SMYD3: variants seen among roughly 807,000 people sequenced by gnomAD.
SMYD3 encodes the protein histone-lysine N-methyltransferase SMYD3.
SMYD3 carries 36 observed loss-of-function variants against 57.7 expected under a neutral mutation model. That is an observed-to-expected ratio of 0.62 (90% CI 0.48 to 0.82). The LOEUF is 0.82. Among genes scored for constraint, SMYD3 ranks in the 40% least tolerant of loss-of-function variants. SMYD3 has a pLI of 0.00. For synonymous variants in SMYD3, 211 were observed against 195.0 expected (o/e 1.08, Z -0.68); for missense variants, 515 against 538.8 (o/e 0.96, Z 0.44).
At chr1:246,019,246 G>C (rs1572898855) in intron 5 of SMYD3, among the ~76,000 whole-genome samples, 1 of 152,254 alleles carries the variant, frequency 6.6e-6, no homozygotes, top group Admixed American at 6.5e-5. Flanking sequence ...TTAGCATCTA[G>C]TGGCAAAGGC....
chr1:245,751,969 T>G (rs2153400), intron 11 of SMYD3, among the ~76,000 whole-genome samples: 10,626 of 152,270 alleles, frequency 0.07, 1,231 homozygotes, highest in African/African-American at 0.24. Flanking sequence ...AAATGTTTGA[T>G]GGCATTCATG....
chr1:245,939,172 T>TA (rs71652710), intron 5 of SMYD3, among the ~76,000 whole-genome samples: 39 of 148,314 alleles, frequency 2.6e-4, no homozygotes, highest in Middle Eastern at 3.6e-3. Flanking sequence ...TAAAAAAATT[T>TA]AAAAAAAAAA....
At chr1:246,416,538 T>C (rs754059480) in intron 1 of SMYD3, among the ~76,000 whole-genome samples, 11 of 128,896 alleles carry the variant, frequency 8.5e-5, no homozygotes, top group Non-Finnish European at 1.8e-4. Context: ...ATTAGAACAG[T>C]GTCCACTGGG....
intron 5 of SMYD3, among the ~76,000 whole-genome samples, chr1:245,959,483 A>G (rs1401993448): frequency 1.3e-5 from 2 of 152,210 alleles, no homozygotes; most frequent in East Asian, 1.9e-4. Context: ...AGACAGTCCC[A>G]AAAGTCTTGG....
rs35482116 is a variant in SMYD3, at chr1:246,463,661, CAAAA to C, written c.164+43389_164+43392del. On this transcript the variant is annotated intron_variant, in intron 1 of 11. Coordinates refer to ENST00000490107, the MANE Select transcript of SMYD3 (RefSeq NM_001167740.2). ...TGAAACCCCATCTCTACTAAAAATA[CAAAA>C]AAAAAAAAAAAAAAAAAAACATTAG... Among the ~76,000 whole-genome samples, 319 of 73,126 alleles carry C rather than the reference CAAAA, an allele frequency of 4.4e-3. 3 individuals carry two copies. The highest frequency in any genetic ancestry group is 0.018 in the African/African-American group (312 of 17,618). The allele number at this position is 73,126 out of a possible 152,430, so 48.0% of individuals were successfully genotyped here.
At chr1:246,317,238 G>A (rs896823869) in intron 5 of SMYD3, among the ~76,000 whole-genome samples, 43 of 152,200 alleles carry the variant, frequency 2.8e-4, no homozygotes, top group African/African-American at 9.9e-4. Context: ...TGTGTGTACT[G>A]TGCTCAGAAA....
At chr1:245,802,820 A>G (rs138643640) in intron 10 of SMYD3, among the ~76,000 whole-genome samples, 30 of 152,370 alleles carry the variant, frequency 2.0e-4, no homozygotes, top group Non-Finnish European at 3.7e-4. Flanking sequence ...CCAGACTGGA[A>G]ACCTTGGGCC....
In SMYD3 at chr1:245,877,099, C is replaced by T. The variant is rs188073821; in HGVS notation, c.814-13213G>A. On this transcript the variant is annotated intron_variant, in intron 8 of 11. Transcript: ENST00000490107. ...GAAAGAGGTCCTTGGGGAGGCCACGCTGTTGGGTGCTTCTGGTTCACTCAT... is the reference window on the plus strand; with the variant it reads ...GAAAGAGGTCCTTGGGGAGGCCACGTTGTTGGGTGCTTCTGGTTCACTCAT... 7.9e-4 allele frequency among the ~76,000 whole-genome samples: 121 copies of T among 152,316 alleles called. 1 individual carries two copies. The highest frequency in any genetic ancestry group is 2.7e-3 in the African/African-American group (111 of 41,576).
chr1:246,239,228 C>T (rs1279563744), intron 5 of SMYD3, among the ~76,000 whole-genome samples: 1 of 152,152 alleles, frequency 6.6e-6, no homozygotes, highest in East Asian at 1.9e-4. Context: ...GGTATATGTC[C>T]TAATGCTATC....
intron 1 of SMYD3, among the ~76,000 whole-genome samples, chr1:246,482,932 A>ATATG (rs74462034): frequency 0.24 from 37,133 of 151,806 alleles, 4,883 homozygotes; most frequent in Middle Eastern, 0.38. Context: ...GTCTACAGTT[A>ATATG]TATGCAGATC....
chr1:245,804,749 A>T (rs2048057807), intron 10 of SMYD3, among the ~76,000 whole-genome samples: 1 of 152,114 alleles, frequency 6.6e-6, no homozygotes, highest in Non-Finnish European at 1.5e-5. Flanking sequence ...CACAGAGTTC[A>T]TCCCCTCTGG....
chr1:245,913,519 A>G (rs1422790893), intron 8 of SMYD3, among the ~76,000 whole-genome samples: 1 of 151,756 alleles, frequency 6.6e-6, no homozygotes, highest in African/African-American at 2.4e-5. Context: ...AATTTAAAAA[A>G]AAAAAAAGAA....
chr1:245,966,836 GTCTTT>G (rs2058163344), intron 5 of SMYD3, among the ~76,000 whole-genome samples: 1 of 152,144 alleles, frequency 6.6e-6, no homozygotes, highest in Admixed American at 6.5e-5. Context: ...ATCTGATGCA[GTCTTT>G]CAAATACTCC....
intron 5 of SMYD3, among the ~76,000 whole-genome samples, chr1:245,983,113 C>G (rs2058633725): frequency 6.6e-6 from 1 of 152,200 alleles, no homozygotes; most frequent in African/African-American, 2.4e-5. Context: ...GCTGAGAAGA[C>G]CTCATACTGA....
intron 5 of SMYD3, among the ~76,000 whole-genome samples, chr1:246,315,287 G>A (rs2065139324): frequency 6.6e-6 from 1 of 152,188 alleles, no homozygotes; most frequent in Non-Finnish European, 1.5e-5. Flanking sequence ...TTAGAAAGTA[G>A]GGGATAGTCA....
intron 5 of SMYD3, among the ~76,000 whole-genome samples, chr1:246,283,837 C>T (rs72776373): frequency 6.6e-6 from 1 of 152,140 alleles, no homozygotes; most frequent in African/African-American, 2.4e-5. Context: ...GCAGCACTTG[C>T]CAGCTTTCAC....
chr1:246,345,519 C>G (rs1040015326), intron 2 of SMYD3, among the ~76,000 whole-genome samples: 10 of 152,122 alleles, frequency 6.6e-5, no homozygotes, highest in African/African-American at 2.4e-4. Context: ...CATCCCAAAC[C>G]TAAAAATCCA....
intron 3 of SMYD3, among the ~76,000 whole-genome samples, chr1:246,334,190 C>A (rs1042510420): frequency 6.6e-6 from 1 of 152,114 alleles, no homozygotes. Flanking sequence ...ACCATTCAAC[C>A]CAGCAATCCC....
At chr1:246,141,775 C>T (rs1030762308) in intron 5 of SMYD3, among the ~76,000 whole-genome samples, 11 of 152,226 alleles carry the variant, frequency 7.2e-5, no homozygotes, top group African/African-American at 2.4e-4. Flanking sequence ...GTAAACACAT[C>T]TCCTGGAATA....
Sources: gnomAD v4.1 joint callset for allele counts (sites outside exome capture counted in the v4.1 genomes callset) on GRCh38, gnomAD v4.1.1 for gene constraint, MANE v1.5 for transcripts, NCBI Gene and HGNC (gene_info 2026-07-23, HGNC 2026-07-21) for gene names.